RBFOX3: variants seen among roughly 807,000 people sequenced by gnomAD.
RBFOX3 encodes the protein RNA binding fox-1 homolog 3.
Under a neutral mutation model 48.7 loss-of-function variants are expected in RBFOX3, and 17 were observed. The ratio of observed to expected loss-of-function variants is 0.35; its 90% CI spans 0.24 to 0.52. The LOEUF is 0.52. RBFOX3 is among the 20% of genes least tolerant of loss of function. RBFOX3 has a pLI of 0.94. For synonymous variants in RBFOX3, 212 were observed against 209.5 expected (o/e 1.01, Z -0.10); for missense variants, 382 against 497.5 (o/e 0.77, Z 2.21).
chr17:79,616,582 A>ACACACACACACACAC, the RBFOX3 span, among the ~76,000 whole-genome samples: 1 of 145,652 alleles, frequency 6.9e-6, no homozygotes, highest in East Asian at 2.0e-4. Context: ...TCTCTATACA[A>ACACACACACACACAC]ACACACACAC....
At chr17:79,182,807 C>A (rs1325657916) in intron 4 of RBFOX3, among the ~76,000 whole-genome samples, 2 of 150,978 alleles carry the variant, frequency 1.3e-5, no homozygotes, top group Admixed American at 6.6e-5. Context: ...GTCTGCGCTG[C>A]AGCAGAGCTC....
chr17:79,504,609 C>G (rs953682601), intron 1 of RBFOX3, among the ~76,000 whole-genome samples: 2 of 152,186 alleles, frequency 1.3e-5, no homozygotes, highest in South Asian at 2.1e-4. Context: ...TCGCTCCAGT[C>G]TCTGCTTCTG....
chr17:79,234,393 C>G (rs2061389014), intron 4 of RBFOX3: 1 of 152,286 alleles, frequency 6.6e-6, no homozygotes, highest in Non-Finnish European at 1.5e-5. Context: ...TCAGTGCCCA[C>G]TTCTGAGCCA....
chr17:79,414,689 TGTGGG>T (rs2148642626), intron 2 of RBFOX3, among the ~76,000 whole-genome samples: 1 of 152,208 alleles, frequency 6.6e-6, no homozygotes, highest in South Asian at 2.1e-4. Context: ...GGAACTGCTG[TGTGGG>T]GTAAGCAGCA....
intron 4 of RBFOX3, among the ~76,000 whole-genome samples, chr17:79,124,052 C>T (rs1024661370): frequency 1.3e-5 from 2 of 152,226 alleles, no homozygotes; most frequent in Admixed American, 6.5e-5. Flanking sequence ...GGCAGGGAAG[C>T]GCAAGATGAG....
chr17:79,276,966 C>G (rs1212552648), intron 3 of RBFOX3, among the ~76,000 whole-genome samples: 5 of 152,172 alleles, frequency 3.3e-5, no homozygotes, highest in African/African-American at 1.2e-4. Flanking sequence ...AGGACCTGCA[C>G]AGTCAGCCAC....
At chr17:79,268,691 G>A (rs1045172214) in intron 3 of RBFOX3, among the ~76,000 whole-genome samples, 6 of 152,096 alleles carry the variant, frequency 3.9e-5, no homozygotes, top group Non-Finnish European at 5.9e-5. Flanking sequence ...GATGACCCAT[G>A]GCTCTGGCAT....
chr17:79,146,778 T>C (rs2043127903), intron 4 of RBFOX3, among the ~76,000 whole-genome samples: 1 of 152,172 alleles, frequency 6.6e-6, no homozygotes, highest in African/African-American at 2.4e-5. Context: ...GGTCTGCTGC[T>C]GGGAGGTCCT....
chr17:79,399,343 G>A (rs1015831136), intron 2 of RBFOX3, among the ~76,000 whole-genome samples: 1 of 152,198 alleles, frequency 6.6e-6, no homozygotes, highest in African/African-American at 2.4e-5. Context: ...GTGCGTGCCC[G>A]CACACACACA....
At chr17:79,174,750 C>A (rs1311991328) in intron 4 of RBFOX3, among the ~76,000 whole-genome samples, 3 of 152,240 alleles carry the variant, frequency 2.0e-5, no homozygotes, top group African/African-American at 4.8e-5. Context: ...CATACACTGA[C>A]GCACACACAA....
intron 1 of RBFOX3, among the ~76,000 whole-genome samples, chr17:79,579,727 G>A (rs2092985209): frequency 6.7e-6 from 1 of 149,862 alleles, no homozygotes; most frequent in Non-Finnish European, 1.5e-5. Context: ...GGGAGTCACT[G>A]GCGCCGTGGT....
At chr17:79,609,470 C>A (rs1012275763) in intron 1 of RBFOX3, among the ~76,000 whole-genome samples, 1 of 152,214 alleles carries the variant, frequency 6.6e-6, no homozygotes, top group South Asian at 2.1e-4. Flanking sequence ...TAGCCTCCAC[C>A]GTGGGGTGTC....
intron 2 of RBFOX3, among the ~76,000 whole-genome samples, chr17:79,406,928 C>T (rs2063611613): frequency 1.3e-5 from 2 of 152,230 alleles, no homozygotes; most frequent in African/African-American, 2.4e-5. Context: ...GACTTCCATG[C>T]CAGGCTGCTG....
chr17:79,256,344 T>A (rs371588484), intron 3 of RBFOX3, among the ~76,000 whole-genome samples: 60 of 152,192 alleles, frequency 3.9e-4, no homozygotes, highest in African/African-American at 1.4e-3. Flanking sequence ...TAAAAAAAAA[T>A]TCCCTACACA....
chr17:79,158,046 A>G (rs1046849619), intron 4 of RBFOX3, among the ~76,000 whole-genome samples: 4 of 152,158 alleles, frequency 2.6e-5, no homozygotes, highest in Admixed American at 6.5e-5. Flanking sequence ...TGATTACATT[A>G]CACTGGGGTC....
At chr17:79,241,555 G>A (rs1003005011) in intron 3 of RBFOX3, among the ~76,000 whole-genome samples, 2 of 152,186 alleles carry the variant, frequency 1.3e-5, no homozygotes, top group African/African-American at 2.4e-5. Flanking sequence ...AGGTGACTCT[G>A]TGCTGAGGAA....
the RBFOX3 span, among the ~76,000 whole-genome samples, chr17:79,617,271 TG>T: frequency 7.2e-5 from 11 of 152,208 alleles, no homozygotes; most frequent in South Asian, 1.7e-3. Context: ...GCTCTGGGGA[TG>T]GGGGGGTCTT....
intron 2 of RBFOX3, among the ~76,000 whole-genome samples, chr17:79,464,561 G>A (rs887871598): frequency 1.3e-5 from 2 of 152,240 alleles, no homozygotes; most frequent in African/African-American, 4.8e-5. Context: ...TGATGCAGAC[G>A]CCGGGGGGAG....
chr17:79,227,855 C>T (rs1358940516), intron 4 of RBFOX3, among the ~76,000 whole-genome samples: 4 of 152,180 alleles, frequency 2.6e-5, no homozygotes, highest in African/African-American at 9.7e-5. Flanking sequence ...TGAATTGTAG[C>T]CATCACATTG....
Sources: allele counts gnomAD v4.1 joint callset (sites outside exome capture counted in the v4.1 genomes callset), GRCh38; gene constraint gnomAD v4.1.1; transcripts MANE v1.5; gene names NCBI Gene and HGNC (gene_info 2026-07-23, HGNC 2026-07-21).